SLC30A5: variants seen among roughly 807,000 people sequenced by gnomAD.
The protein encoded by SLC30A5 is proton-coupled zinc antiporter SLC30A5.
SLC30A5 carries 33 observed loss-of-function variants against 79.6 expected under a neutral mutation model. The ratio of observed to expected loss-of-function variants is 0.41; its 90% CI spans 0.31 to 0.55. The LOEUF (loss-of-function observed/expected upper bound fraction) is 0.55. SLC30A5 is among the 20% of genes least tolerant of loss of function. SLC30A5 has a pLI of 0.20. For missense variants in SLC30A5, 788 were observed against 928.1 expected (o/e 0.85, Z 1.96); for synonymous variants, 299 against 319.7 (o/e 0.94, Z 0.69).
chr5:69,109,957 C>T (rs552381162), intron 5 of SLC30A5, among the ~76,000 whole-genome samples: 55 of 152,160 alleles, frequency 3.6e-4, no homozygotes, highest in African/African-American at 1.2e-3. Flanking sequence ...GCTGGCACTG[C>T]GGGCATTTAT....
At chr5:69,109,061 C>T (rs1024048853) in intron 5 of SLC30A5, among the ~76,000 whole-genome samples, 3 of 152,026 alleles carry the variant, frequency 2.0e-5, no homozygotes, top group Non-Finnish European at 4.4e-5. Context: ...CATTTAGTTT[C>T]CCCCAAAGGT....
intron 7 of SLC30A5, 151 bp downstream of exon 7, chr5:69,114,647 C>T (rs1196356134): frequency 2.3e-5 from 14 of 608,044 alleles, no homozygotes; most frequent in Non-Finnish European, 3.8e-5. Context: ...AGGTGGATCA[C>T]CTGAGGTCGG....
At chr5:69,110,543 A>G (rs958262526) in intron 5 of SLC30A5, among the ~76,000 whole-genome samples, 4 of 152,198 alleles carry the variant, frequency 2.6e-5, no homozygotes, top group Non-Finnish European at 4.4e-5. Flanking sequence ...GTACTCCAAA[A>G]TAAATTTCAA....
intron 11 of SLC30A5, chr5:69,118,238 G>A (rs1746430360): frequency 6.9e-6 from 1 of 144,046 alleles, no homozygotes; most frequent in African/African-American, 2.6e-5. Flanking sequence ...TTTAACAAAT[G>A]TATATATTCG....
rs957630756 is a variant in SLC30A5, at chr5:69,130,991, A to G, written c.*1374A>G. ...GGGTTTTAGAAATTTGTTGTAAGTT[A>G]TTTTTATATTCCTTGTCTTTTGCAT... On this transcript the variant is annotated 3_prime_UTR_variant, in exon 16 of 16. Coordinates refer to ENST00000396591, the MANE Select transcript of SLC30A5 (RefSeq NM_022902.5). 3 of 152,102 alleles carry G rather than the reference A, an allele frequency of 2.0e-5. No individual in the cohort carries two copies. The highest frequency in any genetic ancestry group is 4.4e-5 in the Non-Finnish European group (3 of 68,004). 9.4% of individuals were successfully genotyped at this position (152,102 alleles called of 1,614,324 possible). A position where few individuals can be genotyped will look rare whatever the true frequency, so the allele number is the denominator to read the frequency against.
rs2111949932 is a variant in SLC30A5, at chr5:69,104,583, C to A, written c.274-48C>A. The A allele has an allele frequency of 2.0e-6, 3 of 1,466,986 alleles. No individual in the cohort carries two copies. In the South Asian group the frequency reaches 4.0e-5, roughly 19 times the overall value. The allele number at this position is 1,466,986 out of a possible 1,614,324, so 90.9% of individuals were successfully genotyped here. ...TTTTATTTAAAATTTGGATATATAG[C>A]AAAATATATGTGACTGAAATTTTTA... is the stretch of plus-strand genomic sequence containing the variant. On this transcript the variant is annotated intron_variant, in intron 3 of 15. Coordinates refer to ENST00000396591, the MANE Select transcript of SLC30A5 (RefSeq NM_022902.5).
At chr5:69,099,284 T>C (rs1191622383) in intron 1 of SLC30A5, among the ~76,000 whole-genome samples, 1 of 152,258 alleles carries the variant, frequency 6.6e-6, no homozygotes, top group Admixed American at 6.5e-5. Context: ...TAATGTATCG[T>C]CCTGTGTAAT....
intron 7 of SLC30A5, 105 bp from the exon 8 acceptor site, chr5:69,115,131 TG>T (rs1746328664): frequency 6.8e-6 from 5 of 731,184 alleles, no homozygotes; most frequent in Admixed American, 3.0e-5. Flanking sequence ...ACCCTGTCTC[TG>T]GGGAAAAAAA....
At chr5:69,119,637 G>A (rs972686287) in intron 12 of SLC30A5, among the ~76,000 whole-genome samples, 2 of 152,118 alleles carry the variant, frequency 1.3e-5, no homozygotes, top group African/African-American at 4.8e-5. Context: ...ATACAGTTTG[G>A]AAAAATAGAC....
chr5:69,113,355 T>C, intron 6 of SLC30A5, 128 bp downstream of exon 6: 2 of 625,402 alleles, frequency 3.2e-6, no homozygotes, highest in South Asian at 4.8e-5. Context: ...TAGATTAATG[T>C]AGATATTCTA....
chr5:69,114,307 C>T, intron 6 of SLC30A5, 113 bp from the exon 7 acceptor site: 2 of 523,084 alleles, frequency 3.8e-6, no homozygotes, highest in South Asian at 3.2e-5. Flanking sequence ...AAGTTTGAGG[C>T]CTCCAGATCA....
At chr5:69,107,953 G>A (rs1746131835) in intron 4 of SLC30A5, among the ~76,000 whole-genome samples, 2 of 152,096 alleles carry the variant, frequency 1.3e-5, no homozygotes, top group African/African-American at 2.4e-5. Flanking sequence ...GAGTGGTCTC[G>A]ATCTTTTGAC....
intron 5 of SLC30A5, among the ~76,000 whole-genome samples, chr5:69,112,674 C>T (rs916680800): frequency 7.2e-5 from 11 of 151,768 alleles, no homozygotes; most frequent in Non-Finnish European, 1.5e-4. Flanking sequence ...GTACTTTGTA[C>T]TTTACTAGAT....
chr5:69,113,347 G>C, intron 6 of SLC30A5, 120 bp downstream of exon 6: 1 of 639,396 alleles, frequency 1.6e-6, no homozygotes, highest in Non-Finnish European at 2.6e-6. Flanking sequence ...AACTTTCATA[G>C]ATTAATGTAG....
intron 14 of SLC30A5, among the ~76,000 whole-genome samples, chr5:69,123,723 A>G (rs1045870493): frequency 1.3e-5 from 2 of 152,182 alleles, no homozygotes; most frequent in African/African-American, 2.4e-5. Flanking sequence ...TTAGATTTCA[A>G]TTTAGTTGCC....
At chr5:69,113,285 G>C in intron 6 of SLC30A5, 58 bp downstream of exon 6, 2 of 1,288,342 alleles carry the variant, frequency 1.6e-6, no homozygotes, top group Non-Finnish European at 2.2e-6. Context: ...TAGAAGCCTG[G>C]AACAATGGAA....
intron 2 of SLC30A5, among the ~76,000 whole-genome samples, chr5:69,101,714 T>TG (rs879734085): frequency 5.3e-5 from 8 of 150,984 alleles, no homozygotes; most frequent in Non-Finnish European, 1.2e-4. Context: ...CCCAGCACTT[T>TG]GGGAGGCGGA....
chr5:69,095,482 G>A (rs7732925), intron 1 of SLC30A5, among the ~76,000 whole-genome samples: 4,592 of 152,202 alleles, frequency 0.03, 252 homozygotes, highest in African/African-American at 0.1. Flanking sequence ...TTACAGGCAT[G>A]AGCCACCGCG....
rs759022404 is a variant in SLC30A5 at position 69,103,970 on chromosome 5, A to G, written c.274-661A>G. On this transcript the variant is annotated intron_variant, in intron 3 of 15. Transcript: ENST00000396591. ...TTTTTCTCTCCTTTCAGATAATTGGATCACTAAAAATTCCTGGTAGAAAAG... is the reference window on the plus strand; with the variant it reads ...TTTTTCTCTCCTTTCAGATAATTGGGTCACTAAAAATTCCTGGTAGAAAAG... 3.2e-6 allele frequency: 5 copies of G among 1,554,882 alleles called. No individual in the cohort carries two copies. The Admixed American group carries it at 5.5e-5, about 17-fold the overall frequency.
Sources: allele counts gnomAD v4.1 joint callset (sites outside exome capture counted in the v4.1 genomes callset), GRCh38; gene constraint gnomAD v4.1.1; transcripts MANE v1.5; gene names NCBI Gene and HGNC (gene_info 2026-07-23, HGNC 2026-07-21).